ROBO2: variants seen among roughly 807,000 people sequenced by gnomAD.
ROBO2 encodes the protein roundabout homolog 2.
Under a neutral mutation model 160.8 loss-of-function variants are expected in ROBO2, and 53 were observed. That is an observed-to-expected ratio of 0.33 (90% CI 0.26 to 0.41). The LOEUF is 0.41. Among genes scored for constraint, ROBO2 ranks in the 10% least tolerant of loss-of-function variants. ROBO2 has a pLI of 1.00. For synonymous variants in ROBO2, 664 were observed against 611.7 expected, an observed-to-expected ratio of 1.09 and a Z score of -1.26; for missense variants, 1,577 against 1,722.4, an observed-to-expected ratio of 0.92 and a Z score of 1.49.
chr3:77,554,146 C>CGAGTAGATTTGGAA (rs1373194467), intron 8 of ROBO2, among the ~76,000 whole-genome samples: 1 of 151,914 alleles, frequency 6.6e-6, no homozygotes, highest in Non-Finnish European at 1.5e-5. Context: ...TATTCCAAAT[C>CGAGTAGATTTGGAA]TACTCTGCCT....
At chr3:77,093,523 C>T (rs938018183) in intron 1 of ROBO2, among the ~76,000 whole-genome samples, 4 of 152,032 alleles carry the variant, frequency 2.6e-5, no homozygotes, top group Non-Finnish European at 2.9e-5. Flanking sequence ...GAAAGCTACA[C>T]CCCCAACCCC....
chr3:76,071,936 C>A (rs2068468453), intron 2 of ROBO2, among the ~76,000 whole-genome samples: 1 of 152,012 alleles, frequency 6.6e-6, no homozygotes, highest in Non-Finnish European at 1.5e-5. Context: ...ACAGTAAAAA[C>A]TGTTTTGTGG....
chr3:76,180,416 T>C (rs1701450007), intron 2 of ROBO2, among the ~76,000 whole-genome samples: 1 of 152,160 alleles, frequency 6.6e-6, no homozygotes, highest in Non-Finnish European at 1.5e-5. Flanking sequence ...TCACATAAAA[T>C]ATTGAAAAGA....
intron 1 of ROBO2, among the ~76,000 whole-genome samples, chr3:77,095,617 T>C (rs1196067091): frequency 6.6e-6 from 1 of 152,186 alleles, no homozygotes; most frequent in African/African-American, 2.4e-5. Flanking sequence ...TGTAACCTAC[T>C]ATATGCCTGT....
At chr3:76,918,106 C>G (rs2076435075) in intron 2 of ROBO2, among the ~76,000 whole-genome samples, 1 of 152,106 alleles carries the variant, frequency 6.6e-6, no homozygotes, top group Non-Finnish European at 1.5e-5. Flanking sequence ...AAAATATGAA[C>G]TATATTGGTT....
At chr3:76,742,037 A>G (rs1321206514) in intron 2 of ROBO2, among the ~76,000 whole-genome samples, 1 of 152,204 alleles carries the variant, frequency 6.6e-6, no homozygotes, top group East Asian at 1.9e-4. Context: ...TTATTCTCAG[A>G]TCAGTCAACA....
intron 1 of ROBO2, among the ~76,000 whole-genome samples, chr3:77,050,455 C>T (rs1395460755): frequency 1.3e-5 from 2 of 151,986 alleles, no homozygotes; most frequent in Non-Finnish European, 2.9e-5. Flanking sequence ...GAAATGTAAC[C>T]TTTTAAAAAG....
At chr3:76,099,573 G>A (rs1053844257) in intron 2 of ROBO2, among the ~76,000 whole-genome samples, 15 of 151,784 alleles carry the variant, frequency 9.9e-5, no homozygotes, top group African/African-American at 3.6e-4. Context: ...TGAAATATTA[G>A]GATACTTGAA....
chr3:77,266,139 A>G (rs1439303200), intron 2 of ROBO2, among the ~76,000 whole-genome samples: 1 of 152,062 alleles, frequency 6.6e-6, no homozygotes, highest in Non-Finnish European at 1.5e-5. Context: ...CACTAGGCAC[A>G]GGATTTTTTT....
chr3:76,981,193 G>A (rs907699489), intron 2 of ROBO2, among the ~76,000 whole-genome samples: 16 of 152,130 alleles, frequency 1.1e-4, no homozygotes, highest in South Asian at 6.2e-4. Context: ...TATTTCTCTC[G>A]TGTATATACC....
intron 2 of ROBO2, among the ~76,000 whole-genome samples, chr3:76,802,697 C>G (rs992243742): frequency 6.9e-6 from 1 of 145,182 alleles, no homozygotes; most frequent in Non-Finnish European, 1.5e-5. Flanking sequence ...CACTGCACTC[C>G]AGCCTGGGCG....
intron 2 of ROBO2, among the ~76,000 whole-genome samples, chr3:76,107,433 C>A (rs937520626): frequency 6.6e-6 from 1 of 152,080 alleles, no homozygotes; most frequent in Non-Finnish European, 1.5e-5. Flanking sequence ...CTCAGAGAAC[C>A]AAATCCATTG....
At chr3:76,648,453 A>T (rs956873757) in intron 2 of ROBO2, among the ~76,000 whole-genome samples, 4 of 152,178 alleles carry the variant, frequency 2.6e-5, no homozygotes, top group Non-Finnish European at 5.9e-5. Context: ...TCAATCTTGG[A>T]TCAAAGAACA....
intron 2 of ROBO2, among the ~76,000 whole-genome samples, chr3:75,949,082 A>G (rs1948438443): frequency 6.6e-6 from 1 of 152,152 alleles, no homozygotes; most frequent in African/African-American, 2.4e-5. Context: ...ATCAAAATAA[A>G]AAGCCAGATG....
chr3:76,564,438 A>G (rs747271515), intron 2 of ROBO2, among the ~76,000 whole-genome samples: 1 of 152,228 alleles, frequency 6.6e-6, no homozygotes, highest in Non-Finnish European at 1.5e-5. Flanking sequence ...TTCACTGCCC[A>G]TCTCTTAGTC....
At chr3:76,049,166 G>A (rs1223223835) in intron 2 of ROBO2, among the ~76,000 whole-genome samples, 1 of 151,780 alleles carries the variant, frequency 6.6e-6, no homozygotes, top group African/African-American at 2.4e-5. Context: ...TGTGTAAGGA[G>A]CCCCCTTTTC....
At chr3:77,532,122 A>C (rs1030942588) in intron 6 of ROBO2, among the ~76,000 whole-genome samples, 2 of 152,136 alleles carry the variant, frequency 1.3e-5, no homozygotes, top group African/African-American at 4.8e-5. Context: ...GTTACTTCTC[A>C]GGCTGAGCTG....
At chr3:76,251,491 G>T (rs947403470) in intron 2 of ROBO2, among the ~76,000 whole-genome samples, 1 of 151,998 alleles carries the variant, frequency 6.6e-6, no homozygotes, top group East Asian at 1.9e-4. Context: ...TATAACACTT[G>T]GTTTGGTGGT....
intron 2 of ROBO2, among the ~76,000 whole-genome samples, chr3:76,896,551 C>A (rs904526581): frequency 9.2e-5 from 14 of 151,924 alleles, no homozygotes; most frequent in African/African-American, 2.9e-4. Flanking sequence ...TGATCATGCA[C>A]CTTCACATAT....
Sources: gnomAD v4.1 joint callset for allele counts (sites outside exome capture counted in the v4.1 genomes callset) on GRCh38, gnomAD v4.1.1 for gene constraint, MANE v1.5 for transcripts, NCBI Gene and HGNC (gene_info 2026-07-23, HGNC 2026-07-21) for gene names.